The following PRKN variants were observed in gnomAD, a reference collection of about 807,000 sequenced individuals.
The protein encoded by PRKN is parkin RBR E3 ubiquitin protein ligase.
Under a neutral mutation model 59.5 loss-of-function variants are expected in PRKN, and 56 were observed. That is an observed-to-expected ratio of 0.94 (90% confidence interval 0.76 to 1.18). PRKN has a LOEUF of 1.18. Among genes scored for constraint, PRKN ranks in the 50% most tolerant of loss-of-function variants. The pLI is 0.00. For missense variants in PRKN, 657 were observed against 596.4 expected (o/e 1.10, Z -1.06); for synonymous variants, 250 against 222.1 (o/e 1.13, Z -1.12).
intron 9 of PRKN, among the ~76,000 whole-genome samples, chr6:161,389,639 G>T (rs1035110269): frequency 3.3e-5 from 5 of 152,166 alleles, no homozygotes; most frequent in African/African-American, 7.2e-5. Flanking sequence ...ACTTGGGTCT[G>T]CCTCACACTC....
chr6:161,832,028 T>C (rs1792519327), intron 6 of PRKN, among the ~76,000 whole-genome samples: 1 of 152,336 alleles, frequency 6.6e-6, no homozygotes, highest in Non-Finnish European at 1.5e-5. Context: ...ATGTGGAAGT[T>C]TCTCCCATGT....
chr6:161,991,775 G>A (rs1781657747), intron 5 of PRKN, among the ~76,000 whole-genome samples: 1 of 151,892 alleles, frequency 6.6e-6, no homozygotes. Flanking sequence ...CCCAGGAGGT[G>A]GAGCTTGCAG....
intron 4 of PRKN, among the ~76,000 whole-genome samples, chr6:162,105,836 GATA>G (rs2128300675): frequency 6.6e-6 from 1 of 152,300 alleles, no homozygotes; most frequent in African/African-American, 2.4e-5. Flanking sequence ...ACTAAAATAT[GATA>G]AGATTTTTAG....
At chr6:162,333,145 T>C (rs962221916) in intron 2 of PRKN, among the ~76,000 whole-genome samples, 11 of 152,140 alleles carry the variant, frequency 7.2e-5, no homozygotes, top group African/African-American at 2.7e-4. Context: ...CCATATATTC[T>C]TGATGTGAAA....
intron 1 of PRKN, among the ~76,000 whole-genome samples, chr6:162,498,149 C>T (rs1212783893): frequency 6.6e-6 from 1 of 152,078 alleles, no homozygotes; most frequent in African/African-American, 2.4e-5. Flanking sequence ...TTCAGTTCCA[C>T]CTTTGAACCC....
intron 4 of PRKN, among the ~76,000 whole-genome samples, chr6:162,172,919 G>C (rs1783355369): frequency 6.6e-6 from 1 of 152,148 alleles, no homozygotes; most frequent in Non-Finnish European, 1.5e-5. Context: ...AAGAAGGGGG[G>C]CGTGTGGGAG....
chr6:161,782,417 T>C (rs1790244517), intron 7 of PRKN, among the ~76,000 whole-genome samples: 1 of 152,200 alleles, frequency 6.6e-6, no homozygotes. Context: ...TGATTGTTTT[T>C]AATAAACGTT....
chr6:161,537,681 G>T (rs1174961547), intron 9 of PRKN, among the ~76,000 whole-genome samples: 2 of 152,128 alleles, frequency 1.3e-5, no homozygotes, highest in Admixed American at 6.6e-5. Flanking sequence ...TCGATCTCCT[G>T]ACCTCGTGAT....
chr6:161,809,784 TG>T (rs891292591), intron 6 of PRKN, among the ~76,000 whole-genome samples: 5 of 152,126 alleles, frequency 3.3e-5, no homozygotes, highest in African/African-American at 1.2e-4. Flanking sequence ...ATCAACAGAA[TG>T]TAAGAATGTA....
At chr6:161,800,704 A>C (rs1316014581) in intron 6 of PRKN, among the ~76,000 whole-genome samples, 1 of 152,154 alleles carries the variant, frequency 6.6e-6, no homozygotes, top group Non-Finnish European at 1.5e-5. Flanking sequence ...TCAACAGGGG[A>C]GTGACGGCAC....
At chr6:162,499,226 T>C (rs1793248414) in intron 1 of PRKN, among the ~76,000 whole-genome samples, 1 of 152,160 alleles carries the variant, frequency 6.6e-6, no homozygotes, top group Non-Finnish European at 1.5e-5. Context: ...ATCTTGTCTC[T>C]GCAAGGAATA....
intron 9 of PRKN, among the ~76,000 whole-genome samples, chr6:161,425,003 C>T (rs547168168): frequency 2.0e-5 from 3 of 152,256 alleles, no homozygotes; most frequent in East Asian, 1.9e-4. Flanking sequence ...TACTCATAGG[C>T]CCACATTAAG....
rs566495724 is a variant in PRKN at position 161,940,677 on chromosome 6, A to G, written c.734+32625T>C. Among the ~76,000 whole-genome samples, 462 of 152,324 alleles carry G rather than the reference A, an allele frequency of 3.0e-3. 3 individuals carry two copies. The highest frequency in any genetic ancestry group is 0.01 in the Middle Eastern group (3 of 294). ...GAATAATCCAACTTAGTTCATGACCATAAGTTAATGATTATTTCAGATCCT... is the reference window on the plus strand; with the variant it reads ...GAATAATCCAACTTAGTTCATGACCGTAAGTTAATGATTATTTCAGATCCT... On this transcript the variant is annotated intron_variant, in intron 6 of 11. Transcript: ENST00000366898.
intron 5 of PRKN, among the ~76,000 whole-genome samples, chr6:162,036,236 A>C (rs1419647289): frequency 6.6e-6 from 1 of 151,750 alleles, no homozygotes; most frequent in Non-Finnish European, 1.5e-5. Context: ...CGGCAGGAGA[A>C]TGGCGTGAAC....
chr6:161,822,448 G>A (rs575957530), intron 6 of PRKN, among the ~76,000 whole-genome samples: 1 of 152,220 alleles, frequency 6.6e-6, no homozygotes, highest in African/African-American at 2.4e-5. Flanking sequence ...AGCCAAGGCA[G>A]GCGGATCACC....
chr6:161,597,377 G>C (rs1334189763), intron 7 of PRKN, among the ~76,000 whole-genome samples: 1 of 152,182 alleles, frequency 6.6e-6, no homozygotes, highest in African/African-American at 2.4e-5. Flanking sequence ...TGCATAGCTA[G>C]GGCTTATTGA....
intron 7 of PRKN, chr6:161,783,533 T>C: frequency 2.2e-6 from 1 of 454,472 alleles, no homozygotes; most frequent in South Asian, 1.7e-5. Flanking sequence ...CTTTTGTATG[T>C]TTGAAATCGT....
intron 4 of PRKN, among the ~76,000 whole-genome samples, chr6:162,065,819 T>C (rs550209630): frequency 8.9e-4 from 135 of 152,222 alleles, no homozygotes; most frequent in African/African-American, 3.2e-3. Context: ...GAACACGCGG[T>C]GTTTGATTTT....
chr6:161,641,675 G>T (rs1421224139), intron 7 of PRKN, among the ~76,000 whole-genome samples: 3 of 152,180 alleles, frequency 2.0e-5, no homozygotes, highest in Non-Finnish European at 2.9e-5. Flanking sequence ...TGGGCAAGGA[G>T]AACCCATTGG....
Sources: allele counts gnomAD v4.1 joint callset (sites outside exome capture counted in the v4.1 genomes callset), GRCh38; gene constraint gnomAD v4.1.1; transcripts MANE v1.5; gene names NCBI Gene and HGNC (gene_info 2026-07-23, HGNC 2026-07-21).